Variants in CPO observed in about 807,000 individuals in gnomAD.
CPO encodes the protein carboxypeptidase O, also known as metallocarboxypeptidase C.
A neutral mutation model predicts 41.2 loss-of-function variants in CPO; 43 were observed. The ratio of observed to expected loss-of-function variants is 1.04; its 90% CI spans 0.82 to 1.35. The LOEUF (loss-of-function observed/expected upper bound fraction) is 1.35. Ranked by LOEUF, CPO falls within the 40% of genes most tolerant of loss-of-function variation. The pLI, the probability that CPO is intolerant of heterozygous loss-of-function variation, is 0.00. For missense variants in CPO, 408 were observed against 451.7 expected (o/e 0.90, Z 0.88); for synonymous variants, 178 against 162.7 (o/e 1.09, Z -0.72).
rs1574354051 is a variant in CPO at position 206,959,651 on chromosome 2, C to T, written c.393C>T (p.Asp131=). Residue 131 remains aspartate, a synonymous_variant, in exon 5 of 9, where the codon GAC becomes GAT. Transcript: ENST00000272852. ...TCCAGATTCTACAAAACCATAAAGA[C>T]AACTCAAGTATACGCAAGCTCCTTA... The part of the protein sequence containing the change: ...FVKEILQNHK[D]NSSIRKLLRN... 6.7e-7 allele frequency: 1 copy of T among 1,488,966 alleles called. No homozygotes were observed. The highest frequency in any genetic ancestry group is 2.3e-5 in the East Asian group (1 of 44,360). 92.2% of individuals were successfully genotyped at this position (1,488,966 alleles called of 1,614,324 possible). A position where few individuals can be genotyped will look rare whatever the true frequency, so the allele number is the denominator to read the frequency against.
At chr2:206,954,235 G>A (rs10196847) in intron 2 of CPO, among the ~76,000 whole-genome samples, 17,445 of 152,048 alleles carry the variant, frequency 0.11, 1,562 homozygotes, top group African/African-American at 0.25. Context: ...CTTTTCTATC[G>A]CATTGTCAGG....
chr2:206,942,126 T>A (rs1003650084), intron 1 of CPO, among the ~76,000 whole-genome samples: 3 of 152,162 alleles, frequency 2.0e-5, no homozygotes, highest in African/African-American at 4.8e-5. Context: ...ATGTAACATA[T>A]ACTTACTGTC....
At chr2:206,944,175 A>G (rs982829149) in intron 1 of CPO, among the ~76,000 whole-genome samples, 7 of 152,042 alleles carry the variant, frequency 4.6e-5, no homozygotes, top group African/African-American at 1.7e-4. Context: ...AAGTGCTTTG[A>G]CCAGTGCCTA....
chr2:206,953,494 T>G (rs1693303600), intron 2 of CPO, among the ~76,000 whole-genome samples: 1 of 152,262 alleles, frequency 6.6e-6, no homozygotes, highest in South Asian at 2.1e-4. Flanking sequence ...GTCATGCTGA[T>G]GCAAGAGGTG....
intron 7 of CPO, among the ~76,000 whole-genome samples, chr2:206,964,496 C>T (rs1292628948): frequency 6.6e-6 from 1 of 152,032 alleles, no homozygotes; most frequent in Non-Finnish European, 1.5e-5. Flanking sequence ...GTGGTGGGGC[C>T]CAGGCTAGAA....
chr2:206,949,807 G>T lies in CPO; in HGVS notation c.165+94G>T, dbSNP rs1363976165. ...TCACTAGTAATATCCATGCATTAGA[G>T]AGGCTGAAAATGTGGTGTTAAGATC... On this transcript the variant is annotated intron_variant, in intron 2 of 8. Transcript: ENST00000272852. 6.7e-6 allele frequency: 5 copies of T among 741,462 alleles called. No homozygotes were observed. The South Asian group carries it at 9.0e-5, about 13-fold the overall frequency. The allele number at this position is 741,462 out of a possible 1,614,324, so 45.9% of individuals were successfully genotyped here. A position where few individuals can be genotyped will look rare whatever the true frequency, so the allele number is the denominator to read the frequency against.
rs376792131 is a variant in CPO, at chr2:206,949,671, C to G, written c.123C>G (p.Ser41Arg). Residue 41 changes from serine to arginine, a missense_variant, in exon 2 of 9, where the codon AGC becomes AGG. Ser to Arg is a moderately radical substitution (Grantham distance 110). Coordinates refer to ENST00000272852, the MANE Select transcript of CPO (RefSeq NM_173077.3). ...TGGACAAGTCAGTGAGTCCATGGAG[C>G]CTGGAGACGTATTCCTATAACATAT... Reference protein sequence around the residue: ...EIVDKSVSPWSLETYSYNIYH... With the variant: ...EIVDKSVSPWRLETYSYNIYH... 2.5e-6 allele frequency: 4 copies of G among 1,613,278 alleles called. No homozygotes were observed. In the South Asian group the frequency reaches 4.4e-5, roughly 18 times the overall value.
At chr2:206,951,276 A>G (rs1185078342) in intron 2 of CPO, among the ~76,000 whole-genome samples, 1 of 152,248 alleles carries the variant, frequency 6.6e-6, no homozygotes, top group East Asian at 1.9e-4. Flanking sequence ...CCCCTCCAAA[A>G]AAAGAAATAT....
At position 206,962,551 on chromosome 2, in the gene CPO, TGG is replaced by T. The variant is rs1553512422; in HGVS notation, c.716_717del (p.Gly239AlafsTer13). 2.5e-6 allele frequency: 4 copies of T among 1,614,074 alleles called. No individual in the cohort carries two copies. Among genetic ancestry groups the T allele is most frequent in the South Asian group, 1.1e-5 (1 of 91,088 alleles). ...ILCFLTMHSY[G>X]QLILTPYGYT... ...TGTGCTTCCTGACCATGCACTCTTA[TGG>T]GCAGTTAATTCTCACACCTTACGGC... On this transcript the variant is annotated frameshift_variant, in exon 7 of 9. Coordinates refer to ENST00000272852, the MANE Select transcript of CPO (RefSeq NM_173077.3). LOFTEE classifies it high-confidence loss of function.
chr2:206,949,838 A>G, intron 2 of CPO, 125 bp downstream of exon 2: 2 of 549,300 alleles, frequency 3.6e-6, no homozygotes, highest in South Asian at 2.9e-5. Context: ...AGATCTGCCA[A>G]TACATTGAGT....
At chr2:206,966,351 T>A (rs1017495168) in intron 7 of CPO, among the ~76,000 whole-genome samples, 1 of 147,852 alleles carries the variant, frequency 6.8e-6, no homozygotes, top group African/African-American at 2.5e-5. Flanking sequence ...GAGTTCCATT[T>A]AAAAAAAAAA....
intron 1 of CPO, among the ~76,000 whole-genome samples, chr2:206,946,022 C>A (rs762985705): frequency 5.9e-4 from 89 of 151,400 alleles, no homozygotes; most frequent in Non-Finnish European, 9.9e-4. Flanking sequence ...AAGCACCAGG[C>A]CAAGATAGGT....
intron 1 of CPO, among the ~76,000 whole-genome samples, chr2:206,948,693 C>G (rs993021): frequency 0.19 from 28,602 of 152,132 alleles, 2,982 homozygotes; most frequent in Non-Finnish European, 0.24. Context: ...GCCCAGAGCC[C>G]AAGGCTGCAG....
chr2:206,969,399 T>A lies in CPO; in HGVS notation c.1088T>A (p.Leu363Gln), dbSNP rs751286985. ...SAGRVTSATM[L>Q]LGLLVSCMSL... ...GGAAGGGTGACATCTGCCACTATGC[T>A]GCTGGGCCTGCTGGTGTCCTGCATG... The change falls in exon 9 of 9, where the codon CTG becomes CAG. Residue 363 changes from leucine (L) to glutamine (Q), a missense_variant. Coordinates refer to ENST00000272852, the MANE Select transcript of CPO (RefSeq NM_173077.3). The A allele has an allele frequency of 5.0e-6, 8 of 1,614,002 alleles. No individual in the cohort carries two copies. In the African/African-American group the frequency reaches 1.1e-4, roughly 22 times the overall value.
chr2:206,943,698 AGATAGATAG>A (rs763389221), intron 1 of CPO, among the ~76,000 whole-genome samples: 6 of 127,256 alleles, frequency 4.7e-5, no homozygotes, highest in Non-Finnish European at 6.9e-5. Flanking sequence ...ATAGATAGAT[AGATAGATAG>A]ATAGATAGAT....
At chr2:206,962,992 G>C (rs1693509483) in intron 7 of CPO, among the ~76,000 whole-genome samples, 1 of 152,208 alleles carries the variant, frequency 6.6e-6, no homozygotes, top group African/African-American at 2.4e-5. Flanking sequence ...CTTGCCAGCT[G>C]TTAGTGGAAT....
intron 2 of CPO, 81 bp downstream of exon 2, chr2:206,949,794 T>C: frequency 1.2e-6 from 1 of 862,070 alleles, no homozygotes. Context: ...ACTAGTAATA[T>C]CCATGCATTA....
rs1466389756 is a variant in CPO at position 206,962,075 on chromosome 2, G to T, written c.575-337G>T. On this transcript the variant is annotated intron_variant, in intron 6 of 8. Transcript: ENST00000272852. Reference sequence around the variant, plus strand: ...AGATGGCACCACTGCACTCCAGCCTGGGCGACAGAGCGAGACTCTGTCTCA... The same window carrying T: ...AGATGGCACCACTGCACTCCAGCCTTGGCGACAGAGCGAGACTCTGTCTCA... Among the ~76,000 whole-genome samples the T allele has an allele frequency of 8.7e-5, 13 of 149,260 alleles. 1 individual carries two copies. The highest frequency in any genetic ancestry group is 3.0e-5 in the Non-Finnish European group (2 of 67,536).
chr2:206,944,400 AT>A (rs1404470281), intron 1 of CPO, among the ~76,000 whole-genome samples: 1 of 151,990 alleles, frequency 6.6e-6, no homozygotes, highest in Non-Finnish European at 1.5e-5. Context: ...ACCAGTATAT[AT>A]TTTTATATTA....
Sources: allele counts gnomAD v4.1 joint callset (sites outside exome capture counted in the v4.1 genomes callset), GRCh38; gene constraint gnomAD v4.1.1; transcripts MANE v1.5; gene names NCBI Gene and HGNC (gene_info 2026-07-23, HGNC 2026-07-21).